The following EFCAB11 variants were observed in gnomAD, a reference collection of about 807,000 sequenced individuals.
EFCAB11 encodes EF-hand calcium-binding domain-containing protein 11.
In EFCAB11, 14 loss-of-function variants were observed where a neutral mutation model predicts 23.0. That is an observed-to-expected ratio of 0.61 (90% CI 0.40 to 0.95). EFCAB11 has a LOEUF of 0.95. EFCAB11 is among the 40% of genes least tolerant of loss of function. EFCAB11 has a pLI of 0.00. For missense variants in EFCAB11, 198 were observed against 195.8 expected, an observed-to-expected ratio of 1.01 and a Z score of -0.07; for synonymous variants, 65 against 66.6, an observed-to-expected ratio of 0.98 and a Z score of 0.11.
intron 5 of EFCAB11, among the ~76,000 whole-genome samples, chr14:89,827,411 C>T (rs1886729191): frequency 6.6e-6 from 1 of 152,124 alleles, no homozygotes; most frequent in Non-Finnish European, 1.5e-5. Context: ...GGAAGGAACA[C>T]TCGCCTCTCC....
chr14:89,929,675 C>T (rs1242078802), intron 5 of EFCAB11, among the ~76,000 whole-genome samples: 2 of 152,186 alleles, frequency 1.3e-5, no homozygotes, highest in Non-Finnish European at 2.9e-5. Context: ...TATGAGCCAC[C>T]ATGCCTGGCC....
At chr14:89,873,435 T>C (rs1474350786) in intron 5 of EFCAB11, among the ~76,000 whole-genome samples, 2 of 152,186 alleles carry the variant, frequency 1.3e-5, no homozygotes, top group African/African-American at 4.8e-5. Flanking sequence ...CCAAATCTCA[T>C]GTCTTCACAT....
At chr14:89,918,189 C>T (rs1889911103) in intron 5 of EFCAB11, among the ~76,000 whole-genome samples, 1 of 151,918 alleles carries the variant, frequency 6.6e-6, no homozygotes, top group Non-Finnish European at 1.5e-5. Context: ...GAGAGAAGAC[C>T]AGAACAAAAG....
chr14:89,898,813 A>G (rs1889254794), intron 5 of EFCAB11, among the ~76,000 whole-genome samples: 1 of 151,550 alleles, frequency 6.6e-6, no homozygotes, highest in African/African-American at 2.4e-5. Context: ...CTGGGACTAC[A>G]GGGGTGTGCC....
At chr14:89,898,235 A>G (rs1889230055) in intron 5 of EFCAB11, among the ~76,000 whole-genome samples, 2 of 152,204 alleles carry the variant, frequency 1.3e-5, no homozygotes, top group Admixed American at 6.5e-5. Context: ...TGTGTAAAAT[A>G]AGAGACTGTA....
At position 89,954,608 on chromosome 14, in the gene EFCAB11, G is replaced by A. The variant is rs199987166; in HGVS notation, c.53C>T (p.Ser18Leu). 7 of 1,613,656 alleles carry A rather than the reference G, an allele frequency of 4.3e-6. No individual in the cohort carries two copies. The highest frequency in any genetic ancestry group is 1.3e-5 in the African/African-American group (1 of 74,908). ...ARSRTWEASP[S>L]EHRKWVEVFK... Reference sequence around the variant, plus strand: ...TACTTCCACCCACTTCCTGTGTTCCGAGGGACTGGCTTCCCACGTCCGCGA... The same window carrying A: ...TACTTCCACCCACTTCCTGTGTTCCAAGGGACTGGCTTCCCACGTCCGCGA... The change falls in exon 1 of 6, where the codon TCG (serine) becomes TTG (leucine). Residue 18 changes from serine (S) to leucine (L), a missense_variant. Coordinates refer to ENST00000316738, the MANE Select transcript of EFCAB11 (RefSeq NM_145231.4).
At chr14:89,802,358 G>T (rs1885814309) in intron 5 of EFCAB11, among the ~76,000 whole-genome samples, 1 of 151,982 alleles carries the variant, frequency 6.6e-6, no homozygotes, top group Admixed American at 6.6e-5. Flanking sequence ...CATCATCATT[G>T]CAATGTTTTC....
chr14:89,826,884 G>A (rs115325251), intron 5 of EFCAB11, among the ~76,000 whole-genome samples: 71 of 152,146 alleles, frequency 4.7e-4, no homozygotes, highest in African/African-American at 1.7e-3. Context: ...ATGATGCCAC[G>A]GCATGACCCG....
In EFCAB11 at chr14:89,849,449, AG is replaced by A. The variant is rs145548022; in HGVS notation, c.411-52126del. ...CGTAGATGGTGTAATCTATTTTGGT[AG>A]GGAAGAATGCACATCTACATGGAAA... On this transcript the variant is annotated intron_variant, in intron 5 of 5. Transcript: ENST00000316738. Among the ~76,000 whole-genome samples the A allele has an allele frequency of 2.3e-3, 347 of 152,358 alleles. 2 individuals carry two copies. The highest frequency in any genetic ancestry group is 8.1e-3 in the African/African-American group (335 of 41,576).
At chr14:89,954,291 A>G in intron 1 of EFCAB11, 1 of 1,479,446 alleles carries the variant, frequency 6.8e-7, no homozygotes, top group South Asian at 1.2e-5. Context: ...TCAGTCCTGG[A>G]GTTAGGAAGG....
intron 5 of EFCAB11, among the ~76,000 whole-genome samples, chr14:89,917,391 A>G (rs950058530): frequency 3.9e-5 from 6 of 152,182 alleles, no homozygotes; most frequent in Non-Finnish European, 7.4e-5. Context: ...ATGTCCCCAG[A>G]TTCCTCCATG....
At chr14:89,933,210 C>T (rs1462397913) in intron 3 of EFCAB11, among the ~76,000 whole-genome samples, 1 of 152,224 alleles carries the variant, frequency 6.6e-6, no homozygotes, top group African/African-American at 2.4e-5. Flanking sequence ...GGCTCAGCTT[C>T]CTGCGACTCT....
intron 5 of EFCAB11, among the ~76,000 whole-genome samples, chr14:89,876,804 C>T (rs935797258): frequency 6.6e-6 from 1 of 152,188 alleles, no homozygotes; most frequent in African/African-American, 2.4e-5. Flanking sequence ...ACTTGGAGCA[C>T]CTGCACAATG....
chr14:89,809,084 C>G (rs747640909), intron 5 of EFCAB11, among the ~76,000 whole-genome samples: 1 of 152,168 alleles, frequency 6.6e-6, no homozygotes, highest in South Asian at 2.1e-4. Flanking sequence ...GGAGGTCTTA[C>G]AAATTGCATA....
intron 5 of EFCAB11, among the ~76,000 whole-genome samples, chr14:89,806,481 A>G (rs913569118): frequency 2.0e-5 from 3 of 152,244 alleles, no homozygotes; most frequent in Non-Finnish European, 4.4e-5. Context: ...AATGTAAGAA[A>G]ACAGCACAGA....
At chr14:89,798,608 T>C (rs1472591685) in intron 5 of EFCAB11, among the ~76,000 whole-genome samples, 1 of 152,264 alleles carries the variant, frequency 6.6e-6, no homozygotes, top group Non-Finnish European at 1.5e-5. Context: ...GGTTGAACTA[T>C]AAATCTCAGA....
At chr14:89,820,594 T>C (rs945661161) in intron 5 of EFCAB11, among the ~76,000 whole-genome samples, 1 of 151,924 alleles carries the variant, frequency 6.6e-6, no homozygotes, top group Non-Finnish European at 1.5e-5. Context: ...AGACTCCCAC[T>C]CGGCCCACAT....
intron 5 of EFCAB11, among the ~76,000 whole-genome samples, chr14:89,839,156 G>A (rs1418304042): frequency 6.6e-6 from 1 of 152,214 alleles, no homozygotes; most frequent in Non-Finnish European, 1.5e-5. Context: ...TGCTTCTGGA[G>A]CAGGATTCTC....
intron 5 of EFCAB11, among the ~76,000 whole-genome samples, chr14:89,853,629 T>A (rs371510285): frequency 6.6e-6 from 1 of 152,176 alleles, no homozygotes; most frequent in East Asian, 1.9e-4. Context: ...GCTCTTAAAA[T>A]GAATATTAAA....
Sources: gnomAD v4.1 joint callset for allele counts (sites outside exome capture counted in the v4.1 genomes callset) on GRCh38, gnomAD v4.1.1 for gene constraint, MANE v1.5 for transcripts, NCBI Gene and HGNC (gene_info 2026-07-23, HGNC 2026-07-21) for gene names.